Variants in PPP4R1 observed in about 807,000 individuals in gnomAD.
PPP4R1 encodes the protein protein phosphatase 4 regulatory subunit 1, also known as serine/threonine-protein phosphatase 4 regulatory subunit 1.
A neutral mutation model predicts 111.2 loss-of-function variants in PPP4R1; 42 were observed. The ratio of observed to expected loss-of-function variants is 0.38; its 90% CI spans 0.29 to 0.49. PPP4R1 has a LOEUF of 0.49. Ranked by LOEUF, PPP4R1 falls within the 20% of genes least tolerant of loss-of-function variation. PPP4R1 has a pLI of 0.97. For synonymous variants in PPP4R1, 409 were observed against 405.5 expected (o/e 1.01, Z -0.10); for missense variants, 1,012 against 1,161.6 (o/e 0.87, Z 1.87).
At chr18:9,554,446 A>G (rs1598889340) in intron 15 of PPP4R1, among the ~76,000 whole-genome samples, 1 of 152,100 alleles carries the variant, frequency 6.6e-6, no homozygotes, top group Non-Finnish European at 1.5e-5. Flanking sequence ...AATATTACAC[A>G]TTAATGTTAC....
At chr18:9,565,842 A>G (rs1423774282) in intron 11 of PPP4R1, among the ~76,000 whole-genome samples, 2 of 152,334 alleles carry the variant, frequency 1.3e-5, no homozygotes, top group Admixed American at 6.5e-5. Context: ...TGCTTAGGTA[A>G]AGCTGCAGCA....
chr18:9,588,026 CTTTTA>C, intron 6 of PPP4R1, 58 bp downstream of exon 6: 1 of 1,593,812 alleles, frequency 6.3e-7, no homozygotes, highest in Admixed American at 1.7e-5. Context: ...CCCGGCCTGA[CTTTTA>C]ATAAGCACCT....
At chr18:9,610,758 C>T (rs1482070519) in intron 2 of PPP4R1, among the ~76,000 whole-genome samples, 1 of 152,062 alleles carries the variant, frequency 6.6e-6, no homozygotes, top group Non-Finnish European at 1.5e-5. Flanking sequence ...TGCACCCAGC[C>T]TATTCTCCTA....
At chr18:9,616,006 A>G (rs956503026), upstream of PPP4R1, among the ~76,000 whole-genome samples, 5 of 152,190 alleles carry the variant, frequency 3.3e-5, 1 homozygote, top group Admixed American at 1.3e-4. Flanking sequence ...AACCCCGAGT[A>G]TGTGTCTAAT....
intron 11 of PPP4R1, among the ~76,000 whole-genome samples, chr18:9,564,734 G>GTGTT (rs1555668575): frequency 3.1e-4 from 9 of 29,234 alleles, no homozygotes; most frequent in East Asian, 9.6e-4. Context: ...GTGTGTGTGT[G>GTGTT]TGTGGGGGTA....
chr18:9,580,483 G>C (rs2067010255), intron 9 of PPP4R1, among the ~76,000 whole-genome samples: 1 of 151,972 alleles, frequency 6.6e-6, no homozygotes, highest in African/African-American at 2.4e-5. Context: ...CTGAGTAGCT[G>C]GGACTACAGG....
intron 13 of PPP4R1, among the ~76,000 whole-genome samples, chr18:9,560,312 T>A (rs1210006852): frequency 1.3e-5 from 2 of 152,154 alleles, no homozygotes; most frequent in Non-Finnish European, 2.9e-5. Context: ...CTTCTTTAGA[T>A]GAAAATTTAA....
intron 4 of PPP4R1, among the ~76,000 whole-genome samples, chr18:9,592,854 A>C (rs2067235197): frequency 6.6e-6 from 1 of 152,202 alleles, no homozygotes. Context: ...ATTATGCTTG[A>C]TGAGACCCCT....
chr18:9,583,157 G>A lies in PPP4R1; in HGVS notation c.878C>T (p.Ser293Leu). Residue 293 changes from serine (S) to leucine (L), a missense_variant, in exon 9 of 20, where the codon TCA (serine) becomes TTA (leucine). By Grantham distance (145) the Ser-to-Leu change is moderately radical. Transcript: ENST00000400556. ...TCQEIRRTKL[S>L]ALFINLISDP... is the part of the protein sequence containing the mutation. ...ACTGATCAAATTAATAAAAAGTGCTGATAATTTGGTCCGTCGGATTTCTTG... is the reference window on the plus strand; with the variant it reads ...ACTGATCAAATTAATAAAAAGTGCTAATAATTTGGTCCGTCGGATTTCTTG... The A allele has an allele frequency of 1.2e-6, 2 of 1,612,016 alleles. No individual in the cohort carries two copies. The highest frequency in any genetic ancestry group is 1.7e-6 in the Non-Finnish European group (2 of 1,178,520).
chr18:9,551,895 T>C (rs2066495330), intron 16 of PPP4R1: 3 of 152,274 alleles, frequency 2.0e-5, no homozygotes, highest in Admixed American at 2.0e-4. Flanking sequence ...ACGACAATGG[T>C]AGTGGCAGCC....
chr18:9,578,045 G>A (rs1240572705), intron 9 of PPP4R1, among the ~76,000 whole-genome samples: 18 of 152,158 alleles, frequency 1.2e-4, no homozygotes, highest in Admixed American at 1.2e-3. Context: ...TGTAGGAGGG[G>A]TGATAAAGAA....
At chr18:9,557,954 A>G (rs2066614285) in intron 14 of PPP4R1, among the ~76,000 whole-genome samples, 1 of 152,260 alleles carries the variant, frequency 6.6e-6, no homozygotes. Context: ...AAAACAAAAC[A>G]GAACAATAAA....
intron 10 of PPP4R1, among the ~76,000 whole-genome samples, chr18:9,573,815 A>G (rs373801057): frequency 3.9e-4 from 60 of 152,172 alleles, no homozygotes; most frequent in Admixed American, 2.0e-4. Context: ...TGCAAAAATG[A>G]ACGGAGAATG....
intron 11 of PPP4R1, among the ~76,000 whole-genome samples, chr18:9,566,371 C>T (rs1202155221): frequency 6.6e-6 from 1 of 151,668 alleles, no homozygotes; most frequent in African/African-American, 2.4e-5. Flanking sequence ...AAAACCAGGC[C>T]AGGAGTGGTG....
chr18:9,577,386 T>G (rs551489599), intron 9 of PPP4R1, among the ~76,000 whole-genome samples, 195 bp from the exon 10 acceptor site: 1 of 152,338 alleles, frequency 6.6e-6, no homozygotes, highest in Admixed American at 6.5e-5. Flanking sequence ...TTTCTCTGGC[T>G]GGGCGCAGTG....
At chr18:9,548,788 G>C (rs1285884103) in intron 19 of PPP4R1, among the ~76,000 whole-genome samples, 1 of 152,082 alleles carries the variant, frequency 6.6e-6, no homozygotes, top group Admixed American at 6.5e-5. Context: ...CGTGGTGGCG[G>C]GCACCTGTAA....
At position 9,614,018 on chromosome 18, in the gene PPP4R1, G is replaced by A. The variant is rs1290489949; in HGVS notation, c.52+208C>T. The A allele has an allele frequency of 6.3e-6, 2 of 317,874 alleles. No homozygotes were observed. Among genetic ancestry groups the A allele is most frequent in the African/African-American group, 4.4e-5 (2 of 45,396 alleles). 19.7% of individuals were successfully genotyped at this position (317,874 alleles called of 1,614,324 possible). A position where few individuals can be genotyped will look rare whatever the true frequency, so the allele number is the denominator to read the frequency against. On this transcript the variant is annotated intron_variant, in intron 2 of 19. Transcript: ENST00000400556. The surrounding 1 kb of genome is among the most constrained non-coding windows in gnomAD (Gnocchi z 4.1). ...GAAAGCGAACTTGGGCGTTACTCCGGGCGTCTCCCTCCCCCAGCGGAACCT... is the reference window on the plus strand; with the variant it reads ...GAAAGCGAACTTGGGCGTTACTCCGAGCGTCTCCCTCCCCCAGCGGAACCT...
intron 19 of PPP4R1, among the ~76,000 whole-genome samples, chr18:9,548,524 G>A (rs1341181765): frequency 1.3e-5 from 2 of 152,128 alleles, no homozygotes; most frequent in Admixed American, 6.5e-5. Flanking sequence ...AAGCAGAAGG[G>A]AGAGCAAACA....
At chr18:9,558,286 G>A (rs2066619203) in intron 14 of PPP4R1, among the ~76,000 whole-genome samples, 1 of 152,192 alleles carries the variant, frequency 6.6e-6, no homozygotes, top group South Asian at 2.1e-4. Context: ...GGGGGCAGCA[G>A]AGAGAAGAAA....
Sources: gnomAD v4.1 joint callset for allele counts (sites outside exome capture counted in the v4.1 genomes callset) on GRCh38, gnomAD v4.1.1 for gene constraint, Gnocchi (gnomAD v3.1) non-coding constraint, MANE v1.5 for transcripts, NCBI Gene and HGNC (gene_info 2026-07-23, HGNC 2026-07-21) for gene names.